The following LPP variants were observed in gnomAD, a reference collection of about 807,000 sequenced individuals.
LPP encodes the protein lipoma-preferred partner.
LPP carries 38 observed loss-of-function variants against 60.4 expected under a neutral mutation model. That is an observed-to-expected ratio of 0.63 (90% CI 0.49 to 0.83). LPP has a LOEUF of 0.83. LPP is among the 40% of genes least tolerant of loss of function. The pLI is 0.00. For synonymous variants in LPP, 328 were observed against 290.8 expected (o/e 1.13, Z -1.30); for missense variants, 902 against 783.6 (o/e 1.15, Z -1.80).
chr3:188,769,724 T>C (rs1735258193), intron 9 of LPP, among the ~76,000 whole-genome samples: 1 of 152,170 alleles, frequency 6.6e-6, no homozygotes. Context: ...TTCAAAGAAC[T>C]ACTTTCTTTG....
intron 9 of LPP, among the ~76,000 whole-genome samples, chr3:188,825,269 C>CTCTCTGTGTGTG (rs1463318065): frequency 7.1e-4 from 72 of 101,756 alleles, no homozygotes; most frequent in Middle Eastern, 5.4e-3. Flanking sequence ...CTCTCTCTCT[C>CTCTCTGTGTGTG]TGTGTGTGTG....
chr3:188,608,763 A>T lies in LPP; in HGVS notation c.430-398A>T, dbSNP rs75729938. On this transcript the variant is annotated intron_variant, in intron 6 of 11. Coordinates refer to ENST00000617246, the MANE Select transcript of LPP (RefSeq NM_001375462.1). ...GCATCTATAGATAACTTTGGGTAGG[A>T]TATACATTCTAACAATATCAAGTCT... Among the ~76,000 whole-genome samples the T allele has an allele frequency of 7.2e-3, 1,093 of 152,284 alleles. 3 individuals are homozygous for T. Among genetic ancestry groups the T allele is most frequent in the Middle Eastern group, 0.014 (4 of 294 alleles).
chr3:188,372,486 G>A (rs374620471), intron 3 of LPP, among the ~76,000 whole-genome samples: 1 of 151,992 alleles, frequency 6.6e-6, no homozygotes, highest in Non-Finnish European at 1.5e-5. Flanking sequence ...CTGAATCTGG[G>A]AGTGTCTTGT....
chr3:188,634,038 T>C (rs1185207857), intron 7 of LPP, among the ~76,000 whole-genome samples: 3 of 152,154 alleles, frequency 2.0e-5, no homozygotes, highest in African/African-American at 7.2e-5. Flanking sequence ...TTTAAGGGGA[T>C]CTACACAAAA....
chr3:188,397,676 C>T, intron 3 of LPP, among the ~76,000 whole-genome samples: 1 of 151,562 alleles, frequency 6.6e-6, no homozygotes, highest in African/African-American at 2.4e-5. Flanking sequence ...TGCAGTGGCG[C>T]GATCTCGGCT....
intron 4 of LPP, among the ~76,000 whole-genome samples, chr3:188,417,880 A>G (rs1786741038): frequency 6.6e-6 from 1 of 152,180 alleles, no homozygotes; most frequent in Admixed American, 6.5e-5. Context: ...ACACACGCTT[A>G]AGAATGGAGT....
chr3:188,639,058 G>A (rs1396451241), intron 7 of LPP, among the ~76,000 whole-genome samples: 15 of 151,100 alleles, frequency 9.9e-5, no homozygotes, highest in Admixed American at 6.6e-4. Flanking sequence ...GCATCACCAA[G>A]TCAATCCTAA....
intron 7 of LPP, among the ~76,000 whole-genome samples, chr3:188,625,144 C>T (rs1846597336): frequency 6.6e-6 from 1 of 152,130 alleles, no homozygotes; most frequent in African/African-American, 2.4e-5. Context: ...TGTCAATACT[C>T]TTCTAGAACA....
intron 2 of LPP, among the ~76,000 whole-genome samples, chr3:188,249,564 A>G (rs1728327142): frequency 6.6e-6 from 1 of 152,176 alleles, no homozygotes; most frequent in Non-Finnish European, 1.5e-5. Context: ...TATATGAAAT[A>G]AAATTGCTTG....
At chr3:188,806,965 T>C (rs1308818849) in intron 9 of LPP, among the ~76,000 whole-genome samples, 2 of 151,950 alleles carry the variant, frequency 1.3e-5, no homozygotes, top group Non-Finnish European at 2.9e-5. Context: ...ATTTCTGCTT[T>C]TTCAGCACTT....
intron 5 of LPP, among the ~76,000 whole-genome samples, chr3:188,520,160 A>G (rs149042984): frequency 4.6e-4 from 70 of 152,332 alleles, no homozygotes; most frequent in African/African-American, 1.7e-3. Flanking sequence ...TTTTTATCAC[A>G]TATGTATTCA....
chr3:188,658,239 G>A (rs191525265), intron 7 of LPP, among the ~76,000 whole-genome samples: 74 of 150,074 alleles, frequency 4.9e-4, no homozygotes, highest in African/African-American at 1.7e-3. Context: ...TGCCTCCCAG[G>A]TTCAAGCAAT....
chr3:188,241,010 T>C (rs1577485788), intron 2 of LPP, among the ~76,000 whole-genome samples: 1 of 152,324 alleles, frequency 6.6e-6, no homozygotes, highest in African/African-American at 2.4e-5. Flanking sequence ...TATGTATGCA[T>C]AGTCTAAAGT....
chr3:188,284,551 CAG>C (rs147004640), intron 2 of LPP, among the ~76,000 whole-genome samples: 19,637 of 152,038 alleles, frequency 0.13, 1,492 homozygotes, highest in African/African-American at 0.2. Flanking sequence ...ATAAGAAAGA[CAG>C]AGGCTTTCTG....
intron 3 of LPP, among the ~76,000 whole-genome samples, chr3:188,358,979 G>A (rs1267763927): frequency 2.6e-5 from 4 of 152,134 alleles, no homozygotes; most frequent in South Asian, 2.1e-4. Context: ...AGTCTTCGAG[G>A]AAGTCCCGTG....
At position 188,708,330 on chromosome 3, in the gene LPP, C is replaced by A. The variant is rs1865889120; in HGVS notation, c.1177C>A (p.Leu393Ile). Residue 393 changes from leucine (L) to isoleucine (I), a missense_variant, in exon 8 of 12, where the codon CTT (leucine) becomes ATT (isoleucine). Coordinates refer to ENST00000617246, the MANE Select transcript of LPP (RefSeq NM_001375462.1). ...CCCTTCATTCCGCCCAGAGGATGAGCTTGAGCACCTGACCAAAAAGATGCT... is the reference window on the plus strand; with the variant it reads ...CCCTTCATTCCGCCCAGAGGATGAGATTGAGCACCTGACCAAAAAGATGCT... ...VAPSFRPEDE[L>I]EHLTKKMLYD... is the part of the protein sequence containing the mutation. The A allele has an allele frequency of 6.2e-7, 1 of 1,614,028 alleles. No homozygotes were observed. Among genetic ancestry groups the A allele is most frequent in the South Asian group, 1.1e-5 (1 of 91,082 alleles).
chr3:188,284,203 C>T (rs1219509589), intron 2 of LPP, among the ~76,000 whole-genome samples: 4 of 151,916 alleles, frequency 2.6e-5, no homozygotes, highest in East Asian at 2.0e-4. Flanking sequence ...CTGCCTCGGC[C>T]TCCCAAAGTT....
chr3:188,548,392 G>A (rs1196555639), intron 6 of LPP, among the ~76,000 whole-genome samples: 1 of 152,120 alleles, frequency 6.6e-6, no homozygotes, highest in Non-Finnish European at 1.5e-5. Flanking sequence ...CCAAAAGGAG[G>A]ATCAACCTTA....
At chr3:188,810,069 G>A (rs990612801) in intron 9 of LPP, among the ~76,000 whole-genome samples, 11 of 152,046 alleles carry the variant, frequency 7.2e-5, no homozygotes, top group East Asian at 1.9e-4. Flanking sequence ...CAGGTCTTTC[G>A]TGTGAGCATC....
Sources: gnomAD v4.1 joint callset for allele counts (sites outside exome capture counted in the v4.1 genomes callset) on GRCh38, gnomAD v4.1.1 for gene constraint, MANE v1.5 for transcripts, NCBI Gene and HGNC (gene_info 2026-07-23, HGNC 2026-07-21) for gene names.